SERPINB12: variants seen among roughly 807,000 people sequenced by gnomAD.
The protein encoded by SERPINB12 is serpin family B member 12.
Under a neutral mutation model 41.1 loss-of-function variants are expected in SERPINB12, and 57 were observed. The observed-to-expected ratio is 1.39, with a 90% CI of 1.12 to 1.73. The LOEUF is 1.73. SERPINB12 is among the 40% of genes most tolerant of loss of function. The pLI, the probability that SERPINB12 is intolerant of heterozygous loss-of-function variation, is 0.00. For missense variants in SERPINB12, 536 were observed against 501.9 expected (o/e 1.07, Z -0.65); for synonymous variants, 180 against 181.3 (o/e 0.99, Z 0.06).
At chr18:63,540,855 T>C (rs148232059), upstream of SERPINB12, among the ~76,000 whole-genome samples, 293 of 152,242 alleles carry the variant, frequency 1.9e-3, no homozygotes, top group Middle Eastern at 6.8e-3. Flanking sequence ...TTTTAAAATA[T>C]GAAGAAGAAA....
the SERPINB12 span, among the ~76,000 whole-genome samples, chr18:63,536,132 C>T: frequency 1.3e-5 from 2 of 151,700 alleles, no homozygotes; most frequent in African/African-American, 2.4e-5. Flanking sequence ...ATTCCCACAA[C>T]ATTCTATACA....
At chr18:63,549,405 G>C (rs1024069915) in intron 1 of SERPINB12, among the ~76,000 whole-genome samples, 3 of 152,212 alleles carry the variant, frequency 2.0e-5, no homozygotes, top group African/African-American at 7.2e-5. Context: ...GATAGTATTT[G>C]TATTGATATA....
chr18:63,547,270 T>C (rs1341221555), intron 1 of SERPINB12, among the ~76,000 whole-genome samples: 1 of 152,206 alleles, frequency 6.6e-6, no homozygotes, highest in African/African-American at 2.4e-5. Flanking sequence ...ATACTTGACA[T>C]ATTGTATTTT....
chr18:63,550,439 CT>C (rs1388172558), intron 1 of SERPINB12, among the ~76,000 whole-genome samples: 1 of 152,192 alleles, frequency 6.6e-6, no homozygotes, highest in Non-Finnish European at 1.5e-5. Context: ...GTGTTAGGCA[CT>C]AACTTGCAAT....
At chr18:63,541,550 A>AT (rs2144311455), upstream of SERPINB12, among the ~76,000 whole-genome samples, 1 of 152,270 alleles carries the variant, frequency 6.6e-6, no homozygotes, top group Non-Finnish European at 1.5e-5. Context: ...AGCATGCATT[A>AT]TTTTTCTTAA....
the SERPINB12 span, among the ~76,000 whole-genome samples, chr18:63,519,396 A>T: frequency 1.3e-5 from 2 of 152,238 alleles, no homozygotes; most frequent in Non-Finnish European, 2.9e-5. Flanking sequence ...CATGTGCTAG[A>T]TGCTTGATAT....
chr18:63,525,577 A>G, the SERPINB12 span, among the ~76,000 whole-genome samples: 1 of 152,206 alleles, frequency 6.6e-6, no homozygotes, highest in Non-Finnish European at 1.5e-5. Context: ...CATATTGGAA[A>G]TGACCCAGAC....
intron 6 of SERPINB12, among the ~76,000 whole-genome samples, chr18:63,565,135 T>G (rs1245568120): frequency 6.6e-6 from 1 of 152,082 alleles, no homozygotes; most frequent in Non-Finnish European, 1.5e-5. Flanking sequence ...TGCAGTGAGC[T>G]ATGATGGCAC....
the SERPINB12 span, among the ~76,000 whole-genome samples, chr18:63,532,178 A>T: frequency 6.6e-6 from 1 of 152,178 alleles, no homozygotes; most frequent in Non-Finnish European, 1.5e-5. Flanking sequence ...GACACCCTAC[A>T]CAGATATAGG....
intron 1 of SERPINB12, among the ~76,000 whole-genome samples, chr18:63,553,642 C>T (rs189614751): frequency 6.6e-5 from 10 of 152,230 alleles, no homozygotes; most frequent in African/African-American, 1.9e-4. Context: ...TCTCCTCCTT[C>T]GAGCTGAAGA....
chr18:63,559,015 T>TTTCTTTCC lies in SERPINB12; in HGVS notation c.303+536_303+537insCTTCTTTC, dbSNP rs1910786717. ...CTTTCTTTCCTTCCTTCTTTCTTTC[T>TTTCTTTCC]TTCTTTCTTTCTTTCTTTCTTTCTT... On this transcript the variant is annotated intron_variant, in intron 3 of 7. Transcript: ENST00000382768. Among the ~76,000 whole-genome samples the TTTCTTTCC allele has an allele frequency of 1.2e-4, 7 of 59,894 alleles. No homozygotes were observed. The Admixed American group carries it at 1.2e-3, about 10-fold the overall frequency. The allele number at this position is 59,894 out of a possible 152,430, so 39.3% of individuals were successfully genotyped here.
rs1599420087 is a variant in SERPINB12, at chr18:63,556,291, G to C, written c.132G>C (p.Leu44Phe). The C allele has an allele frequency of 6.2e-7, 1 of 1,614,040 alleles. No homozygotes were observed. The highest frequency in any genetic ancestry group is 2.2e-5 in the East Asian group (1 of 44,878). ...CAGCTGCCCTTGGTATGGTACGCTT[G>C]GGTGCTAGAAGTGACAGTGCACATC... is the stretch of plus-strand genomic sequence containing the variant. Reference protein sequence around the residue: ...SLSAALGMVRLGARSDSAHQI... With the variant: ...SLSAALGMVRFGARSDSAHQI... Residue 44 changes from leucine to phenylalanine, a missense_variant, in exon 2 of 8, where the codon TTG becomes TTC. Transcript: ENST00000382768.
intron 1 of SERPINB12, among the ~76,000 whole-genome samples, chr18:63,554,925 C>T (rs1910626694): frequency 6.6e-6 from 1 of 152,120 alleles, no homozygotes; most frequent in African/African-American, 2.4e-5. Flanking sequence ...CTCATGAGAT[C>T]TGATGGTTTT....
intron 1 of SERPINB12, among the ~76,000 whole-genome samples, chr18:63,545,522 G>C (rs1910367987): frequency 6.6e-6 from 1 of 152,186 alleles, no homozygotes; most frequent in Non-Finnish European, 1.5e-5. Flanking sequence ...TTTTAGGCTT[G>C]TAGGGCACAG....
rs765979883 is a variant in SERPINB12, at chr18:63,558,481, C to T, written c.298C>T (p.Gln100Ter). ...GQKKTTEPLD[Q>*]QAGSLNNESG... Reference sequence around the variant, plus strand: ...GAAAAAAACGACAGAGCCTCTGGATCAGCAGGTGAACCGCCACCGTAGAAA... The same window carrying T: ...GAAAAAAACGACAGAGCCTCTGGATTAGCAGGTGAACCGCCACCGTAGAAA... Residue 100 changes from glutamine to a stop codon, truncating the protein, a stop_gained, in exon 3 of 8, where the codon CAG becomes TAG. Coordinates refer to ENST00000382768, the MANE Select transcript of SERPINB12 (RefSeq NM_001307928.2). LOFTEE classifies it high-confidence loss of function. 1.2e-6 allele frequency: 2 copies of T among 1,610,194 alleles called. No individual in the cohort carries two copies. Among genetic ancestry groups the T allele is most frequent in the East Asian group, 2.2e-5 (1 of 44,836 alleles).
the SERPINB12 span, among the ~76,000 whole-genome samples, chr18:63,534,633 G>A: frequency 1.3e-5 from 2 of 152,092 alleles, no homozygotes; most frequent in African/African-American, 4.8e-5. Flanking sequence ...CTGGTAGAAA[G>A]AATAGATGTT....
chr18:63,558,982 T>TTGTC (rs1910773610), intron 3 of SERPINB12, among the ~76,000 whole-genome samples: 1 of 106,842 alleles, frequency 9.4e-6, no homozygotes, highest in African/African-American at 3.3e-5. Context: ...GGATAGATGA[T>TTGTC]TGTCTTTCTT....
rs1237965072 is a variant in SERPINB12, at chr18:63,565,488, A to G, written c.749A>G (p.Tyr250Cys). 3.1e-6 allele frequency: 5 copies of G among 1,614,018 alleles called. No homozygotes were observed. The highest frequency in any genetic ancestry group is 4.2e-6 in the Non-Finnish European group (5 of 1,179,942). Residue 250 changes from tyrosine (Y) to cysteine (C), a missense_variant, in exon 7 of 8, where the codon TAC becomes TGC. Coordinates refer to ENST00000382768, the MANE Select transcript of SERPINB12 (RefSeq NM_001307928.2). ...AAGATGATGACGCAAAAAGGCCTCT[A>G]CAGAATTGGCTTCATAGAGGAGGTG... The part of the protein sequence containing the change: ...SVKMMTQKGL[Y>C]RIGFIEEVKA...
intron 2 of SERPINB12, among the ~76,000 whole-genome samples, chr18:63,557,732 C>A (rs147030357): frequency 7.2e-5 from 11 of 152,176 alleles, no homozygotes; most frequent in African/African-American, 2.7e-4. Flanking sequence ...CAGGATATGA[C>A]GCCTGTCTCC....
Sources: allele counts gnomAD v4.1 joint callset (sites outside exome capture counted in the v4.1 genomes callset), GRCh38; gene constraint gnomAD v4.1.1; transcripts MANE v1.5; gene names NCBI Gene and HGNC (gene_info 2026-07-23, HGNC 2026-07-21).